The following SLX4IP variants were observed in gnomAD, a reference collection of about 807,000 sequenced individuals.
SLX4IP encodes SLX4 interacting protein, also known as protein SLX4IP.
SLX4IP carries 34 observed loss-of-function variants against 32.9 expected under a neutral mutation model. The ratio of observed to expected loss-of-function variants is 1.03; its 90% CI spans 0.79 to 1.38. The LOEUF (loss-of-function observed/expected upper bound fraction) is 1.38, where lower values mean the gene tolerates loss of function less well. SLX4IP is among the 40% of genes most tolerant of loss of function. SLX4IP has a pLI of 0.00. For missense variants in SLX4IP, 444 were observed against 479.0 expected, an observed-to-expected ratio of 0.93 and a Z score of 0.68; for synonymous variants, 172 against 171.7, an observed-to-expected ratio of 1.00 and a Z score of -0.01.
In SLX4IP at chr20:10,624,464, T is replaced by A. The variant is rs1233560087; in HGVS notation, c.*1085T>A. On this transcript the variant is annotated 3_prime_UTR_variant, in exon 8 of 8. Transcript: ENST00000334534. ...TCACATAGTGAATTGTAGCAATGAC[T>A]TATTTTGGATGGACACCCGCTAAAA... is the stretch of plus-strand genomic sequence containing the variant. 6.6e-6 allele frequency: 1 copy of A among 152,226 alleles called. No individual in the cohort carries two copies. Among genetic ancestry groups the A allele is most frequent in the Non-Finnish European group, 1.5e-5 (1 of 68,052 alleles). 9.4% of individuals were successfully genotyped at this position (152,226 alleles called of 1,614,324 possible).
At chr20:10,579,832 A>AT (rs927073231) in intron 4 of SLX4IP, among the ~76,000 whole-genome samples, 10 of 149,546 alleles carry the variant, frequency 6.7e-5, no homozygotes, top group East Asian at 2.0e-4. Context: ...TAATGGAACT[A>AT]TTTTTTTTTT....
At chr20:10,463,590 G>A (rs2065355954) in intron 2 of SLX4IP, among the ~76,000 whole-genome samples, 1 of 152,138 alleles carries the variant, frequency 6.6e-6, no homozygotes, top group Admixed American at 6.5e-5. Context: ...AAAATGAAAT[G>A]AATAAAATAC....
intron 2 of SLX4IP, among the ~76,000 whole-genome samples, chr20:10,461,495 C>T (rs1394801253): frequency 6.6e-6 from 1 of 152,202 alleles, no homozygotes; most frequent in Non-Finnish European, 1.5e-5. Flanking sequence ...GTATTTCTGC[C>T]TCTGACAGGC....
intron 3 of SLX4IP, 124 bp downstream of exon 3, chr20:10,556,444 CA>C: frequency 3.1e-6 from 3 of 952,958 alleles, no homozygotes; most frequent in South Asian, 1.5e-5. Context: ...CCTTGAAAAA[CA>C]ATTGTATTCC....
intron 2 of SLX4IP, among the ~76,000 whole-genome samples, chr20:10,473,393 G>A (rs1433253884): frequency 6.6e-6 from 1 of 152,182 alleles, no homozygotes; most frequent in African/African-American, 2.4e-5. Context: ...TGATTTTATT[G>A]TACTGGTTAT....
Position 10,548,966 on chromosome 20 carries a change from C to T in SLX4IP, c.28-7265C>T, listed in dbSNP as rs137920083. On this transcript the variant is annotated intron_variant, in intron 2 of 7. Transcript: ENST00000334534. ...ATCTCCTGACCTGTCTGCTAGTTTACTGAGTATGCCATCCAAAAGGTATGC... is the reference window on the plus strand; with the variant it reads ...ATCTCCTGACCTGTCTGCTAGTTTATTGAGTATGCCATCCAAAAGGTATGC... Among the ~76,000 whole-genome samples the T allele has an allele frequency of 1.1e-3, 175 of 152,322 alleles. 3 individuals carry two copies. In the East Asian group the frequency reaches 0.032, roughly 28 times the overall value.
chr20:10,475,302 A>C (rs1449001197), intron 2 of SLX4IP, among the ~76,000 whole-genome samples: 1 of 152,202 alleles, frequency 6.6e-6, no homozygotes, highest in Non-Finnish European at 1.5e-5. Flanking sequence ...GAAAGTGAGG[A>C]TCTCAGAAGT....
intron 4 of SLX4IP, among the ~76,000 whole-genome samples, chr20:10,593,139 A>G (rs951474797): frequency 1.3e-5 from 2 of 152,192 alleles, no homozygotes. Flanking sequence ...GCACATAGTA[A>G]TCTGATTATG....
intron 2 of SLX4IP, among the ~76,000 whole-genome samples, chr20:10,459,332 A>G (rs1299230808): frequency 2.0e-5 from 3 of 152,104 alleles, no homozygotes; most frequent in African/African-American, 7.2e-5. Context: ...CTGTGATGAT[A>G]GTTTCTTTTG....
At position 10,530,088 on chromosome 20, in the gene SLX4IP, C is replaced by T. The variant is rs565358158; in HGVS notation, c.28-26143C>T. ...AATCCATATTGTGAACAGGCTGACA[C>T]TCTGCCTACCTACTGTTTAAGGGAA... On this transcript the variant is annotated intron_variant, in intron 2 of 7. Coordinates refer to ENST00000334534, the MANE Select transcript of SLX4IP (RefSeq NM_001009608.3). 1.3e-5 allele frequency among the ~76,000 whole-genome samples: 2 copies of T among 152,272 alleles called. 1 individual carries two copies. Among genetic ancestry groups the T allele is most frequent in the South Asian group, 4.1e-4 (2 of 4,822 alleles).
intron 2 of SLX4IP, among the ~76,000 whole-genome samples, chr20:10,528,207 C>A (rs6077827): frequency 6.6e-6 from 1 of 151,940 alleles, no homozygotes; most frequent in Non-Finnish European, 1.5e-5. Context: ...TCTAACTTTG[C>A]GCTATTCTTG....
chr20:10,458,600 A>G (rs1050274988), intron 2 of SLX4IP, among the ~76,000 whole-genome samples: 1 of 151,978 alleles, frequency 6.6e-6, no homozygotes, highest in Admixed American at 6.6e-5. Context: ...CTTATAAGTT[A>G]GACTATGCAG....
chr20:10,483,858 C>T (rs1244875648), intron 2 of SLX4IP, among the ~76,000 whole-genome samples: 2 of 144,628 alleles, frequency 1.4e-5, no homozygotes, highest in Non-Finnish European at 3.0e-5. Context: ...TGAAGCAAAT[C>T]GTAAGACCTT....
At chr20:10,523,268 C>T (rs1252907966) in intron 2 of SLX4IP, among the ~76,000 whole-genome samples, 1 of 152,116 alleles carries the variant, frequency 6.6e-6, no homozygotes, top group Non-Finnish European at 1.5e-5. Flanking sequence ...ATAGCTTTCT[C>T]CTCCTGGTGG....
intron 2 of SLX4IP, among the ~76,000 whole-genome samples, chr20:10,490,287 A>T (rs1481021314): frequency 6.6e-6 from 1 of 152,172 alleles, no homozygotes; most frequent in Non-Finnish European, 1.5e-5. Context: ...AATAAAATAT[A>T]ATAATTAAAA....
chr20:10,606,185 A>T (rs2066903338), intron 6 of SLX4IP, among the ~76,000 whole-genome samples: 1 of 152,244 alleles, frequency 6.6e-6, no homozygotes, highest in Non-Finnish European at 1.5e-5. Flanking sequence ...AAAAATTATG[A>T]TTAGAAAAAC....
chr20:10,530,537 G>A (rs569315980), intron 2 of SLX4IP, among the ~76,000 whole-genome samples: 4 of 152,258 alleles, frequency 2.6e-5, no homozygotes, highest in Non-Finnish European at 4.4e-5. Context: ...TGGAGTCTGC[G>A]TGCTCACTTG....
At chr20:10,549,279 G>A (rs978845436) in intron 2 of SLX4IP, among the ~76,000 whole-genome samples, 2 of 151,994 alleles carry the variant, frequency 1.3e-5, no homozygotes, top group Non-Finnish European at 2.9e-5. Context: ...TCTTTCTACA[G>A]TGAGGCTTTC....
chr20:10,521,303 C>T (rs1409236834), intron 2 of SLX4IP, among the ~76,000 whole-genome samples: 1 of 152,132 alleles, frequency 6.6e-6, no homozygotes, highest in East Asian at 1.9e-4. Context: ...AGTCATCCTT[C>T]CTGGACTCCT....
Sources: gnomAD v4.1 joint callset for allele counts (sites outside exome capture counted in the v4.1 genomes callset) on GRCh38, gnomAD v4.1.1 for gene constraint, MANE v1.5 for transcripts, NCBI Gene and HGNC (gene_info 2026-07-23, HGNC 2026-07-21) for gene names.